SMPD4: variants seen among roughly 807,000 people sequenced by gnomAD.
SMPD4 encodes sphingomyelin phosphodiesterase 4.
In SMPD4, 58 loss-of-function variants were observed where a neutral mutation model predicts 97.8. The observed-to-expected ratio is 0.59, with a 90% CI of 0.48 to 0.74. The LOEUF is 0.74. SMPD4 is among the 30% of genes least tolerant of loss of function. SMPD4 has a pLI of 0.00. For synonymous variants in SMPD4, 388 were observed against 450.0 expected, an observed-to-expected ratio of 0.86 and a Z score of 1.74; for missense variants, 853 against 1,080.5, an observed-to-expected ratio of 0.79 and a Z score of 2.95.
intron 11 of SMPD4, among the ~76,000 whole-genome samples, chr2:130,160,681 A>C (rs1328590602): frequency 1.3e-5 from 2 of 151,298 alleles, no homozygotes; most frequent in African/African-American, 2.4e-5. Context: ...GGTCCTTCCC[A>C]CCCCCTGCCT....
chr2:130,181,713 A>AGG, upstream of SMPD4: 1 of 1,547,818 alleles, frequency 6.5e-7, no homozygotes. Flanking sequence ...CGGGCGGGGA[A>AGG]GAGAAATGGC....
intron 9 of SMPD4, among the ~76,000 whole-genome samples, chr2:130,165,108 TAAAAAAAAA>T (rs35361623): frequency 1.3e-4 from 8 of 61,898 alleles, no homozygotes; most frequent in Non-Finnish European, 2.4e-4. Flanking sequence ...GACTCTGATT[TAAAAAAAAA>T]AAAAAAAAAA....
In SMPD4 at chr2:130,173,593, C is replaced by CG. The variant is rs1558762730; in HGVS notation, c.189dup (p.Val64ArgfsTer36). On this transcript the variant is annotated frameshift_variant, in exon 4 of 20. Coordinates refer to ENST00000680298, the MANE Select transcript of SMPD4 (RefSeq NM_017951.5). LOFTEE classifies it high-confidence loss of function. Reference sequence around the variant, plus strand: ...TGTAAGCAGCGGAGGTTCCAGCCAACGAGGACACCATCTAGGCTGCCAAAA... The same window carrying CG: ...TGTAAGCAGCGGAGGTTCCAGCCAACGGAGGACACCATCTAGGCTGCCAAAA... 6.2e-7 allele frequency: 1 copy of CG among 1,613,862 alleles called. No homozygotes were observed. Among genetic ancestry groups the CG allele is most frequent in the Admixed American group, 1.7e-5 (1 of 59,988 alleles).
intron 11 of SMPD4, chr2:130,157,711 T>A: frequency 2.4e-6 from 1 of 409,164 alleles, no homozygotes; most frequent in Non-Finnish European, 4.4e-6. Flanking sequence ...TCTGCACGGC[T>A]GCAAATCCGC....
chr2:130,153,532 G>A, intron 17 of SMPD4, 82 bp from the exon 18 acceptor site: 1 of 1,590,188 alleles, frequency 6.3e-7, no homozygotes. Context: ...TACAACAGTG[G>A]CAACAAGGGG....
chr2:130,165,557 T>G lies in SMPD4; in HGVS notation c.793-1112A>C, dbSNP rs181202469. ...AAAGCAAGGAAATTCTGACACATGC[T>G]GTAACATGGATTAATCTTTAGTCCA... On this transcript the variant is annotated intron_variant, in intron 9 of 19. Transcript: ENST00000680298. Among the ~76,000 whole-genome samples the G allele has an allele frequency of 1.3e-3, 203 of 152,322 alleles. 1 individual carries two copies. The highest frequency in any genetic ancestry group is 2.1e-3 in the Non-Finnish European group (140 of 68,024).
Position 130,153,822 on chromosome 2 carries a change from G to A in SMPD4, c.1773C>T (p.Ser591=), listed in dbSNP as rs768929162. The A allele has an allele frequency of 1.9e-6, 3 of 1,614,004 alleles. No individual in the cohort carries two copies. Among genetic ancestry groups the A allele is most frequent in the Non-Finnish European group, 2.5e-6 (3 of 1,179,880 alleles). ...TGTAGGAGCCATTGGTGTCCATGGA[G>A]CTAAAGCCCAGCCATGAGAGGAAGG... is the stretch of plus-strand genomic sequence containing the variant. The part of the protein sequence containing the change: ...GHSFLSWLGF[S]SMDTNGSYTA... Residue 591 remains serine, a synonymous_variant, in exon 17 of 20, where the codon AGC becomes AGT. Coordinates refer to ENST00000680298, the MANE Select transcript of SMPD4 (RefSeq NM_017951.5).
intron 15 of SMPD4, chr2:130,154,757 A>C (rs1573662755): frequency 1.7e-6 from 1 of 581,386 alleles, no homozygotes; most frequent in East Asian, 2.9e-5. Flanking sequence ...AGCCAGGATG[A>C]ATGCAAGGCA....
At chr2:130,153,583 A>G (rs1573658216) in intron 17 of SMPD4, 119 bp downstream of exon 17, 1 of 1,559,174 alleles carries the variant, frequency 6.4e-7, no homozygotes, top group East Asian at 2.3e-5. Flanking sequence ...GCCTCCCACA[A>G]CACTGGGTCC....
chr2:130,178,776 T>C (rs565292577), intron 1 of SMPD4, among the ~76,000 whole-genome samples: 3 of 143,252 alleles, frequency 2.1e-5, no homozygotes, highest in Non-Finnish European at 4.5e-5. Context: ...GCCGGGGTGA[T>C]AGAGGGAAAC....
At chr2:130,162,120 T>A (rs1159755354) in intron 10 of SMPD4, among the ~76,000 whole-genome samples, 4 of 152,126 alleles carry the variant, frequency 2.6e-5, no homozygotes, top group Non-Finnish European at 5.9e-5. Context: ...CACCAGAAAC[T>A]CCCACCCTCC....
Position 130,152,730 on chromosome 2 carries a change from C to T in SMPD4, c.2309G>A (p.Ser770Asn). Residue 770 changes from serine to asparagine, a missense_variant, in exon 20 of 20, where the codon AGC (serine) becomes AAC (asparagine). By Grantham distance (46) the Ser-to-Asn change is conservative. Around this residue, in one of 3 missense-constraint regions of SMPD4, gnomAD observed 511 missense variants for 608.1 expected, o/e 0.84. Transcript: ENST00000680298. ...CCGGTAACTGCCCAGGAAGCGCAGGCTGAGCCTGGGGCCGCGGGTGTGGCC... is the reference window on the plus strand; with the variant it reads ...CCGGTAACTGCCCAGGAAGCGCAGGTTGAGCCTGGGGCCGCGGGTGTGGCC... ...VAGHTRGPRL[S>N]LRFLGSYRTL... 6.3e-7 allele frequency: 1 copy of T among 1,589,082 alleles called. No individual in the cohort carries two copies. Among genetic ancestry groups the T allele is most frequent in the Non-Finnish European group, 8.6e-7 (1 of 1,168,952 alleles).
In SMPD4 at chr2:130,156,090, G is replaced by A. The variant is rs760573141; in HGVS notation, c.1234C>T (p.Pro412Ser). 2.5e-6 allele frequency: 4 copies of A among 1,611,264 alleles called. No homozygotes were observed. Among genetic ancestry groups the A allele is most frequent in the Non-Finnish European group, 3.4e-6 (4 of 1,179,858 alleles). ...TCGCTGCCCGGAGCCTGCTTGTCAG[G>A]CGCGTACCGCCACGGCTGCAGGTAG... ...LSYLQPWRYA[P>S]DKQAPGSDSQ... is the part of the protein sequence containing the mutation. Residue 412 changes from proline to serine, a missense_variant, in exon 14 of 20, where the codon CCT becomes TCT. Around this residue, in one of 3 missense-constraint regions of SMPD4, gnomAD observed 511 missense variants for 608.1 expected, o/e 0.84. Transcript: ENST00000680298.
At chr2:130,179,528 A>AG (rs1199575015) in intron 1 of SMPD4, among the ~76,000 whole-genome samples, 1 of 152,034 alleles carries the variant, frequency 6.6e-6, no homozygotes, top group Non-Finnish European at 1.5e-5. Context: ...CTGGGATTAC[A>AG]GGGGCCTGCC....
intron 7 of SMPD4, 40 bp downstream of exon 7, chr2:130,172,585 G>A (rs770400010): frequency 1.5e-5 from 24 of 1,613,530 alleles, no homozygotes; most frequent in African/African-American, 2.7e-5. Context: ...GCCCTGGGCC[G>A]TGGCCCCACC....
rs776147444 is a variant in SMPD4, at chr2:130,153,037, A to G, written c.2154+6T>C. ...AGACGCCAGGCCAGCCCTCCTGCCC[A>G]CTCACTCTGTGGTTGATGGCAGACG... On this transcript the variant is annotated splice_donor_region_variant and intron_variant, in intron 19 of 19. Coordinates refer to ENST00000680298, the MANE Select transcript of SMPD4 (RefSeq NM_017951.5). 34 of 1,608,710 alleles carry G rather than the reference A, an allele frequency of 2.1e-5. No individual in the cohort carries two copies. The highest frequency in any genetic ancestry group is 2.5e-5 in the Non-Finnish European group (30 of 1,178,258).
chr2:130,162,693 G>C (rs1447583777), intron 10 of SMPD4, among the ~76,000 whole-genome samples: 1 of 152,214 alleles, frequency 6.6e-6, no homozygotes, highest in African/African-American at 2.4e-5. Context: ...GACGGGCAGG[G>C]ATTTCTGCAT....
chr2:130,181,115 G>A (rs1689558294), intron 1 of SMPD4, among the ~76,000 whole-genome samples: 1 of 152,130 alleles, frequency 6.6e-6, no homozygotes, highest in African/African-American at 2.4e-5. Flanking sequence ...CTGCCAATTG[G>A]GCTTCGGGAG....
At chr2:130,163,812 C>CAG (rs911273446) in intron 10 of SMPD4, among the ~76,000 whole-genome samples, 1 of 152,084 alleles carries the variant, frequency 6.6e-6, no homozygotes, top group African/African-American at 2.4e-5. Context: ...GCGTGCTGCC[C>CAG]AGAGAGAGAG....
Sources: allele counts gnomAD v4.1 joint callset (sites outside exome capture counted in the v4.1 genomes callset), GRCh38; gene constraint gnomAD v4.1.1; regional missense constraint gnomAD v4.1.1; transcripts MANE v1.5; gene names NCBI Gene and HGNC (gene_info 2026-07-23, HGNC 2026-07-21).